The following EEIG2 variants were observed in gnomAD, a reference collection of about 807,000 sequenced individuals.
The protein encoded by EEIG2 is EEIG family member 2.
the EEIG2 span, among the ~76,000 whole-genome samples, chr1:108,606,719 C>G: frequency 2.6e-5 from 4 of 152,232 alleles, no homozygotes; most frequent in African/African-American, 9.6e-5. Flanking sequence ...ACCAGAAATT[C>G]ACATAGTCCT....
At chr1:108,601,056 T>C in the EEIG2 span, among the ~76,000 whole-genome samples, 2 of 152,122 alleles carry the variant, frequency 1.3e-5, no homozygotes, top group Non-Finnish European at 2.9e-5. Flanking sequence ...GGTGTTATTT[T>C]CTCCATTTTC....
At chr1:108,597,740 AG>A in the EEIG2 span, among the ~76,000 whole-genome samples, 1 of 152,118 alleles carries the variant, frequency 6.6e-6, no homozygotes, top group Non-Finnish European at 1.5e-5. Context: ...GTTTTTATTT[AG>A]TAGGTTTGGG....
chr1:108,601,167 T>C, the EEIG2 span, among the ~76,000 whole-genome samples: 1 of 152,136 alleles, frequency 6.6e-6, no homozygotes, highest in African/African-American at 2.4e-5. Flanking sequence ...AAGTCTGTTT[T>C]CTTTCCTGTA....
chr1:108,570,629 G>A, the EEIG2 span, among the ~76,000 whole-genome samples: 1 of 152,204 alleles, frequency 6.6e-6, no homozygotes, highest in Non-Finnish European at 1.5e-5. Context: ...TTTTAATGAT[G>A]GCAGTATACG....
At chr1:108,623,991 A>T in the EEIG2 span, among the ~76,000 whole-genome samples, 1 of 152,170 alleles carries the variant, frequency 6.6e-6, no homozygotes, top group Admixed American at 6.5e-5. Flanking sequence ...TAAAGAAAAA[A>T]AAAACTGTTA....
At chr1:108,635,873 A>C in the EEIG2 span, 1 of 152,230 alleles carries the variant, frequency 6.6e-6, no homozygotes, top group Admixed American at 6.5e-5. Flanking sequence ...TACATAAAAG[A>C]CTCAAAATAA....
At chr1:108,629,978 T>C in the EEIG2 span, 10 of 303,388 alleles carry the variant, frequency 3.3e-5, no homozygotes, top group African/African-American at 4.5e-5. Flanking sequence ...TTTCAAAACA[T>C]TAATTTTTTA....
At chr1:108,570,293 A>G in the EEIG2 span, among the ~76,000 whole-genome samples, 20 of 152,274 alleles carry the variant, frequency 1.3e-4, no homozygotes, top group Middle Eastern at 3.4e-3. Flanking sequence ...TTGAGGGCAC[A>G]GTGGGTAGAG....
chr1:108,606,960 G>A, the EEIG2 span, among the ~76,000 whole-genome samples: 1 of 152,280 alleles, frequency 6.6e-6, no homozygotes, highest in Non-Finnish European at 1.5e-5. Context: ...ACCATGCCTA[G>A]CCCCTGTACA....
chr1:108,632,422 A>G, the EEIG2 span, among the ~76,000 whole-genome samples: 10 of 152,200 alleles, frequency 6.6e-5, no homozygotes, highest in Admixed American at 2.0e-4. Flanking sequence ...GCCATTGGCC[A>G]TCTTTGCAGG....
the EEIG2 span, chr1:108,560,632 T>C: frequency 5.0e-5 from 78 of 1,555,714 alleles, no homozygotes; most frequent in Non-Finnish European, 6.7e-5. Context: ...GGGCAGCATC[T>C]CTCCTTGGCC....
chr1:108,587,561 C>T, the EEIG2 span, among the ~76,000 whole-genome samples: 1 of 152,162 alleles, frequency 6.6e-6, no homozygotes, highest in African/African-American at 2.4e-5. Flanking sequence ...CCTCTGTGCT[C>T]CACTTGTTCA....
chr1:108,577,989 T>C, the EEIG2 span, among the ~76,000 whole-genome samples: 14 of 149,992 alleles, frequency 9.3e-5, no homozygotes, highest in South Asian at 2.7e-3. Flanking sequence ...CAGTGGTTTG[T>C]AGTTCTCCTT....
chr1:108,588,067 C>T, the EEIG2 span, among the ~76,000 whole-genome samples: 2 of 151,962 alleles, frequency 1.3e-5, no homozygotes, highest in Non-Finnish European at 2.9e-5. Context: ...AATAATATTC[C>T]ATTTATGTAT....
At chr1:108,589,783 CTTTTTTT>C in the EEIG2 span, among the ~76,000 whole-genome samples, 1 of 85,160 alleles carries the variant, frequency 1.2e-5, no homozygotes, top group Non-Finnish European at 2.1e-5. Flanking sequence ...GTCTTTTGTC[CTTTTTTT>C]TTTTTTTTTT....
the EEIG2 span, among the ~76,000 whole-genome samples, chr1:108,586,565 T>C: frequency 6.6e-6 from 1 of 152,026 alleles, no homozygotes; most frequent in East Asian, 1.9e-4. Context: ...CTTTTTACCA[T>C]GTGGGTGAGG....
chr1:108,635,108 G>A, the EEIG2 span: 2 of 1,614,072 alleles, frequency 1.2e-6, no homozygotes, highest in Admixed American at 1.7e-5. Context: ...GCTGTTTTAG[G>A]GTGGGGTCTG....
the EEIG2 span, among the ~76,000 whole-genome samples, chr1:108,612,558 GC>G: frequency 6.6e-6 from 1 of 152,204 alleles, no homozygotes; most frequent in South Asian, 2.1e-4. Flanking sequence ...TAACATAAGA[GC>G]TCATTGGGAG....
the EEIG2 span, chr1:108,638,426 A>G: frequency 2.0e-5 from 3 of 152,248 alleles, no homozygotes; most frequent in East Asian, 3.8e-4. Flanking sequence ...TCAGATTTCT[A>G]TGCTGACTAG....
Sources: gnomAD v4.1 joint callset for allele counts (sites outside exome capture counted in the v4.1 genomes callset) on GRCh38, gnomAD v4.1.1 for gene constraint, MANE v1.5 for transcripts, NCBI Gene and HGNC (gene_info 2026-07-23, HGNC 2026-07-21) for gene names.